Variants in PAK3 observed in about 807,000 individuals in gnomAD.
PAK3 encodes the protein p21 (RAC1) activated kinase 3.
Under a neutral mutation model 41.0 loss-of-function variants are expected in PAK3, and 4 were observed. The ratio of observed to expected loss-of-function variants is 0.10; its 90% CI spans 0.05 to 0.22. The LOEUF (loss-of-function observed/expected upper bound fraction) is 0.22, where lower values mean the gene tolerates loss of function less well. Among genes scored for constraint, PAK3 ranks in the 10% least tolerant of loss-of-function variants. PAK3 has a pLI of 1.00. For synonymous variants in PAK3, 146 were observed against 139.6 expected, an observed-to-expected ratio of 1.05 and a Z score of -0.32; for missense variants, 205 against 409.9, an observed-to-expected ratio of 0.50 and a Z score of 4.32.
At chrX:111,122,730 A>G (rs1042680062) in intron 4 of PAK3, among the ~76,000 whole-genome samples, 9 of 111,946 alleles carry the variant, frequency 8.0e-5, no homozygotes, top group African/African-American at 2.9e-4. Flanking sequence ...TACAATCATC[A>G]GGATAGAATT....
intron 1 of PAK3, among the ~76,000 whole-genome samples, chrX:110,997,852 G>C (rs1379000402): frequency 9.0e-6 from 1 of 110,867 alleles, no homozygotes; most frequent in Non-Finnish European, 1.9e-5. Flanking sequence ...CCTTATAAAA[G>C]AGACCTGAGA....
At chrX:111,031,395 C>A (rs781595209) in intron 1 of PAK3, among the ~76,000 whole-genome samples, 4 of 111,690 alleles carry the variant, frequency 3.6e-5, no homozygotes, top group Admixed American at 2.9e-4. Context: ...TGAAGGGATT[C>A]TTTGAGCAGA....
intron 6 of PAK3, among the ~76,000 whole-genome samples, chrX:111,144,428 T>C (rs191517432): frequency 2.6e-4 from 29 of 111,951 alleles, no homozygotes; most frequent in African/African-American, 8.4e-4. Context: ...TTTTAACCTG[T>C]GATTTACATT....
At chrX:111,115,434 G>A (rs1000639628) in intron 4 of PAK3, among the ~76,000 whole-genome samples, 1 of 111,406 alleles carries the variant, frequency 9.0e-6, no homozygotes, top group African/African-American at 3.3e-5. Context: ...TACAAGTAAG[G>A]CCCTTGTCAG....
chrX:110,962,273 A>C (rs1035790809), intron 1 of PAK3, among the ~76,000 whole-genome samples: 2 of 111,704 alleles, frequency 1.8e-5, no homozygotes, highest in Non-Finnish European at 3.8e-5. Context: ...GACTCCACCA[A>C]ACCAGAAAGC....
chrX:111,070,452 C>T (rs1251104365), intron 1 of PAK3, among the ~76,000 whole-genome samples: 1 of 111,913 alleles, frequency 8.9e-6, no homozygotes, highest in Admixed American at 9.5e-5. Flanking sequence ...GCCACATTTG[C>T]TGTAGAAAAA....
intron 1 of PAK3, among the ~76,000 whole-genome samples, chrX:111,040,081 G>T (rs1489381419): frequency 9.1e-6 from 1 of 110,356 alleles, no homozygotes; most frequent in Non-Finnish European, 1.9e-5. Flanking sequence ...AGAAGGTGGA[G>T]GTTTCCCTGA....
chrX:111,024,906 G>A (rs886870017), intron 1 of PAK3, among the ~76,000 whole-genome samples: 2 of 111,049 alleles, frequency 1.8e-5, no homozygotes, highest in African/African-American at 6.5e-5. Context: ...GCCACAAAAC[G>A]TGTATCAGTA....
At chrX:111,136,784 G>C (rs902272921) in intron 5 of PAK3, among the ~76,000 whole-genome samples, 4 of 111,988 alleles carry the variant, frequency 3.6e-5, no homozygotes, top group Non-Finnish European at 7.5e-5. Flanking sequence ...TCTTCACTCT[G>C]GCTGTGCATT....
chrX:111,022,145 A>T (rs761539284), intron 1 of PAK3, among the ~76,000 whole-genome samples: 1 of 111,744 alleles, frequency 8.9e-6, no homozygotes, highest in Non-Finnish European at 1.9e-5. Flanking sequence ...CTTGCTAGAG[A>T]TCTAGACATC....
chrX:111,171,155 C>G (rs967563231), intron 10 of PAK3, among the ~76,000 whole-genome samples: 1 of 110,642 alleles, frequency 9.0e-6, no homozygotes. Flanking sequence ...ATTGAAAGCC[C>G]GAACAATAGC....
intron 1 of PAK3, among the ~76,000 whole-genome samples, chrX:110,982,936 G>A (rs1169965270): frequency 1.8e-5 from 2 of 110,165 alleles, no homozygotes; most frequent in South Asian, 4.0e-4. Context: ...GTGCACAAGG[G>A]GATGATTTGT....
chrX:111,187,228 C>G lies in PAK3; in HGVS notation c.831-4899C>G, dbSNP rs772098455. ...ATATGTGATATTTGAATTAGCTGTT[C>G]TCAGGTAATTGTCAATTTTTTTGTT... On this transcript the variant is annotated intron_variant, in intron 11 of 17. Coordinates refer to ENST00000372007, the MANE Select transcript of PAK3 (RefSeq NM_002578.5). 3.6e-5 allele frequency among the ~76,000 whole-genome samples: 4 copies of G among 111,812 alleles called. No individual in the cohort carries two copies. In the South Asian group the frequency reaches 1.5e-3, roughly 41 times the overall value.
intron 1 of PAK3, among the ~76,000 whole-genome samples, chrX:111,004,786 A>G (rs1388756745): frequency 8.9e-6 from 1 of 112,331 alleles, no homozygotes; most frequent in Non-Finnish European, 1.9e-5. Context: ...TTGTCTAGGA[A>G]TACAAGTGCC....
chrX:110,966,922 A>T (rs891473345), intron 1 of PAK3, among the ~76,000 whole-genome samples: 1 of 112,290 alleles, frequency 8.9e-6, no homozygotes, highest in Non-Finnish European at 1.9e-5. Context: ...TGCATGAGGG[A>T]TGGATCCTGC....
chrX:111,053,030 A>C (rs2092573181), intron 1 of PAK3, among the ~76,000 whole-genome samples: 1 of 112,284 alleles, frequency 8.9e-6, no homozygotes, highest in African/African-American at 3.2e-5. Context: ...TCATAAGCAC[A>C]ATTTTATTAG....
chrX:111,066,577 G>A (rs146984938), intron 1 of PAK3, among the ~76,000 whole-genome samples: 142 of 111,778 alleles, frequency 1.3e-3, no homozygotes, highest in African/African-American at 4.3e-3. Context: ...TGTCTATTAG[G>A]TCCAATATGT....
intron 7 of PAK3, 50 bp downstream of exon 7, chrX:111,147,940 G>A (rs774516943): frequency 9.5e-7 from 1 of 1,052,974 alleles, no homozygotes; most frequent in Non-Finnish European, 1.3e-6. Context: ...TTCAATTTCA[G>A]AGTGTCATGT....
intron 1 of PAK3, among the ~76,000 whole-genome samples, chrX:111,036,291 T>A (rs1352137698): frequency 2.7e-5 from 3 of 112,781 alleles, no homozygotes; most frequent in African/African-American, 9.7e-5. Context: ...AGAAATGGTC[T>A]AAATGTGTTG....
Sources: gnomAD v4.1 joint callset for allele counts (sites outside exome capture counted in the v4.1 genomes callset) on GRCh38, gnomAD v4.1.1 for gene constraint, MANE v1.5 for transcripts, NCBI Gene and HGNC (gene_info 2026-07-23, HGNC 2026-07-21) for gene names.